The following LRP1B variants were observed in gnomAD, a reference collection of about 807,000 sequenced individuals.
The protein encoded by LRP1B is low-density lipoprotein receptor-related protein 1B.
In LRP1B, 217 loss-of-function variants were observed where a neutral mutation model predicts 556.6. The ratio of observed to expected loss-of-function variants is 0.39; its 90% confidence interval spans 0.35 to 0.44. The LOEUF (loss-of-function observed/expected upper bound fraction) is 0.44. Ranked by LOEUF, LRP1B falls within the 20% of genes least tolerant of loss-of-function variation. The pLI is 1.00. For missense variants in LRP1B, 5,053 were observed against 5,620.8 expected (o/e 0.90, Z 3.23); for synonymous variants, 2,047 against 1,865.8 (o/e 1.10, Z -2.50).
intron 41 of LRP1B, among the ~76,000 whole-genome samples, chr2:140,690,636 A>G (rs1292174024): frequency 3.3e-5 from 5 of 152,164 alleles, no homozygotes; most frequent in Non-Finnish European, 7.4e-5. Context: ...CAACAAAATG[A>G]AGAGGAGATT....
Position 141,552,340 on chromosome 2 carries a change from C to T in LRP1B, c.206-71807G>A, listed in dbSNP as rs147289735. On this transcript the variant is annotated intron_variant, in intron 2 of 90. Coordinates refer to ENST00000389484, the MANE Select transcript of LRP1B (RefSeq NM_018557.3). ...TCAAAGGTCTAGTACTCCAGCACCA[C>T]TGAGTGACACAATAATGAACTCTCA... Among the ~76,000 whole-genome samples, 62 of 152,136 alleles carry T rather than the reference C, an allele frequency of 4.1e-4. No individual in the cohort carries two copies. The East Asian group carries it at 8.1e-3, about 20-fold the overall frequency.
Position 140,776,083 on chromosome 2 carries a change from A to G in LRP1B, c.5500+15T>C. The G allele has an allele frequency of 6.5e-7, 1 of 1,542,326 alleles. No homozygotes were observed. Among genetic ancestry groups the G allele is most frequent in the Non-Finnish European group, 8.7e-7 (1 of 1,147,642 alleles). On this transcript the variant is annotated intron_variant, in intron 33 of 90. Coordinates refer to ENST00000389484, the MANE Select transcript of LRP1B (RefSeq NM_018557.3). ...CGTATTCAAGACCTGGCACAAATTC[A>G]TTAGTGTGATTTACCTTGCTGTGCT...
intron 1 of LRP1B, among the ~76,000 whole-genome samples, chr2:141,976,518 C>G (rs962163414): frequency 6.6e-6 from 1 of 152,038 alleles, no homozygotes; most frequent in South Asian, 2.1e-4. Context: ...GGGGTCACAG[C>G]CCTATGAATC....
At chr2:141,200,821 C>T (rs756249524) in intron 6 of LRP1B, among the ~76,000 whole-genome samples, 1 of 152,088 alleles carries the variant, frequency 6.6e-6, no homozygotes, top group Non-Finnish European at 1.5e-5. Flanking sequence ...TTCCAAAACC[C>T]AGAACTGTGT....
intron 1 of LRP1B, among the ~76,000 whole-genome samples, chr2:141,866,213 T>C (rs1698409868): frequency 6.6e-6 from 1 of 152,224 alleles, no homozygotes; most frequent in South Asian, 2.1e-4. Context: ...TTATGTAGAA[T>C]ACTGTGCTGT....
chr2:140,701,999 T>G, intron 39 of LRP1B, 142 bp downstream of exon 39: 1 of 1,291,906 alleles, frequency 7.7e-7, no homozygotes, highest in Non-Finnish European at 1.1e-6. Flanking sequence ...ATAGCAAGAG[T>G]ACCTGCCTTT....
intron 43 of LRP1B, among the ~76,000 whole-genome samples, chr2:140,545,692 A>G (rs966318091): frequency 6.6e-6 from 1 of 152,042 alleles, no homozygotes; most frequent in Non-Finnish European, 1.5e-5. Flanking sequence ...GTAGCCCTGT[A>G]GTACAGTTTG....
intron 5 of LRP1B, among the ~76,000 whole-genome samples, chr2:141,245,918 C>T (rs1180302064): frequency 6.6e-6 from 1 of 152,116 alleles, no homozygotes; most frequent in African/African-American, 2.4e-5. Flanking sequence ...CCTTCTTCCT[C>T]TTTTTTCCAC....
rs1388311216 is a variant in LRP1B at position 140,342,589 on chromosome 2, A to G, written c.11893-6751T>C. Among the ~76,000 whole-genome samples the G allele has an allele frequency of 2.6e-5, 4 of 151,580 alleles. No homozygotes were observed. The East Asian group carries it at 7.8e-4, about 29-fold the overall frequency. ...ATATATAGAGATATGCTATAATGCT[A>G]CAGAACATTTTTAAAATATGTTAAT... On this transcript the variant is annotated intron_variant, in intron 77 of 90. Coordinates refer to ENST00000389484, the MANE Select transcript of LRP1B (RefSeq NM_018557.3).
chr2:140,241,961 T>A (rs1680967699), intron 87 of LRP1B, among the ~76,000 whole-genome samples: 1 of 150,358 alleles, frequency 6.7e-6, no homozygotes, highest in Non-Finnish European at 1.5e-5. Context: ...AAGTTTCTCA[T>A]AAAAAAAATA....
intron 86 of LRP1B, among the ~76,000 whole-genome samples, chr2:140,260,614 C>A (rs1305219000): frequency 6.6e-6 from 1 of 151,632 alleles, no homozygotes; most frequent in African/African-American, 2.4e-5. Flanking sequence ...GGCAACTATT[C>A]CTAATTTTGT....
intron 41 of LRP1B, among the ~76,000 whole-genome samples, chr2:140,689,893 A>G (rs2105396144): frequency 6.6e-6 from 1 of 152,322 alleles, no homozygotes; most frequent in Non-Finnish European, 1.5e-5. Flanking sequence ...AATTTCTAAC[A>G]TGATGTACTG....
intron 18 of LRP1B, among the ~76,000 whole-genome samples, chr2:140,964,232 T>C (rs952733121): frequency 1.3e-5 from 2 of 152,142 alleles, no homozygotes; most frequent in African/African-American, 4.8e-5. Flanking sequence ...TACTGCTATC[T>C]GGAAGGCAGA....
At chr2:141,092,931 G>T (rs1317619548) in intron 7 of LRP1B, among the ~76,000 whole-genome samples, 1 of 152,134 alleles carries the variant, frequency 6.6e-6, no homozygotes. Context: ...GAGAGAACTG[G>T]ATAGGAGAAA....
chr2:141,989,893 G>A (rs1458826465), intron 1 of LRP1B, among the ~76,000 whole-genome samples: 1 of 152,080 alleles, frequency 6.6e-6, no homozygotes, highest in Admixed American at 6.6e-5. Flanking sequence ...ATAGCAGCAT[G>A]AGAACAGACC....
chr2:140,856,584 C>T lies in LRP1B; in HGVS notation c.4580-4801G>A, dbSNP rs576708547. Among the ~76,000 whole-genome samples the T allele has an allele frequency of 2.6e-5, 4 of 152,172 alleles. No individual in the cohort carries two copies. The South Asian group carries it at 8.3e-4, about 32-fold the overall frequency. On this transcript the variant is annotated intron_variant, in intron 27 of 90. Coordinates refer to ENST00000389484, the MANE Select transcript of LRP1B (RefSeq NM_018557.3). ...ATTATTCAACTCTGCTACTATAACA[C>T]AAAAGCAGCCACAAAACAATACGTG...
At chr2:141,490,730 C>T (rs16846250) in intron 2 of LRP1B, among the ~76,000 whole-genome samples, 4,792 of 151,986 alleles carry the variant, frequency 0.032, 276 homozygotes, top group African/African-American at 0.11. Context: ...TCTCATCAAA[C>T]CCCATATTAA....
chr2:141,742,576 G>C (rs1693752132), intron 2 of LRP1B, among the ~76,000 whole-genome samples: 6 of 151,958 alleles, frequency 3.9e-5, no homozygotes, highest in Admixed American at 3.9e-4. Flanking sequence ...CTTAGCATTT[G>C]CTCAGTAAAG....
intron 41 of LRP1B, among the ~76,000 whole-genome samples, chr2:140,644,974 G>A (rs1217317957): frequency 6.6e-6 from 1 of 151,908 alleles, no homozygotes; most frequent in Non-Finnish European, 1.5e-5. Flanking sequence ...AATTGTTCAA[G>A]CCATTAAACA....
Sources: gnomAD v4.1 joint callset for allele counts (sites outside exome capture counted in the v4.1 genomes callset) on GRCh38, gnomAD v4.1.1 for gene constraint, MANE v1.5 for transcripts, NCBI Gene and HGNC (gene_info 2026-07-23, HGNC 2026-07-21) for gene names.